The following ABAT variants were observed in gnomAD, a reference collection of about 807,000 sequenced individuals.
ABAT encodes the protein 4-aminobutyrate aminotransferase, mitochondrial.
In ABAT, 45 loss-of-function variants were observed where a neutral mutation model predicts 64.6. That is an observed-to-expected ratio of 0.70 (90% CI 0.55 to 0.89). The LOEUF is 0.89. ABAT is among the 40% of genes least tolerant of loss of function. The probability of loss-of-function intolerance (pLI) is 0.00; values close to 1 mark genes in which losing one functional copy is unlikely to be tolerated. For synonymous variants in ABAT, 297 were observed against 250.5 expected (o/e 1.19, Z -1.75); for missense variants, 633 against 658.4 (o/e 0.96, Z 0.42).
At chr16:8,678,299 C>A (rs954875360) in intron 1 of ABAT, among the ~76,000 whole-genome samples, 2 of 152,188 alleles carry the variant, frequency 1.3e-5, no homozygotes, top group Non-Finnish European at 2.9e-5. Context: ...CCCGCCTTGG[C>A]TTCCCAAAGC....
chr16:8,710,369 C>T (rs979443846), intron 1 of ABAT, among the ~76,000 whole-genome samples: 1 of 152,138 alleles, frequency 6.6e-6, no homozygotes, highest in Non-Finnish European at 1.5e-5. Flanking sequence ...GCAAGATAGA[C>T]TTTTGCATGC....
intron 1 of ABAT, chr16:8,713,714 C>T (rs12447079): frequency 0.053 from 18,773 of 351,182 alleles, 622 homozygotes; most frequent in South Asian, 0.099. Context: ...CCTGGAAATC[C>T]GGGACACCCT....
chr16:8,683,601 A>G (rs962614435), intron 1 of ABAT: 1 of 151,912 alleles, frequency 6.6e-6, no homozygotes, highest in Non-Finnish European at 1.5e-5. Context: ...AAATGCTGCT[A>G]TGATACTGAA....
At chr16:8,687,839 CT>C (rs2057491262) in intron 1 of ABAT, among the ~76,000 whole-genome samples, 2 of 152,126 alleles carry the variant, frequency 1.3e-5, no homozygotes, top group Non-Finnish European at 2.9e-5. Context: ...ACAAAACTAC[CT>C]TTTGAAACAT....
intron 1 of ABAT, among the ~76,000 whole-genome samples, chr16:8,733,742 G>A (rs1408321143): frequency 6.6e-6 from 1 of 151,376 alleles, no homozygotes; most frequent in Admixed American, 6.6e-5. Context: ...AATCAGGCAG[G>A]GAGGTTGCAG....
chr16:8,702,769 GA>G (rs1364387937), intron 1 of ABAT, among the ~76,000 whole-genome samples: 1 of 152,188 alleles, frequency 6.6e-6, no homozygotes, highest in African/African-American at 2.4e-5. Context: ...TCACCAGAGG[GA>G]GGACTGGTGT....
At chr16:8,718,996 G>A (rs116881377) in intron 1 of ABAT, among the ~76,000 whole-genome samples, 6 of 152,254 alleles carry the variant, frequency 3.9e-5, no homozygotes, top group East Asian at 1.9e-4. Flanking sequence ...TGATTTTTGC[G>A]TACTTAGCGG....
chr16:8,761,001 C>T (rs1260965658), intron 6 of ABAT, among the ~76,000 whole-genome samples: 1 of 152,090 alleles, frequency 6.6e-6, no homozygotes, highest in African/African-American at 2.4e-5. Flanking sequence ...ATCGCTTGAG[C>T]CCAGGAAGTC....
chr16:8,707,008 G>A (rs1213571262), intron 1 of ABAT, among the ~76,000 whole-genome samples: 1 of 152,080 alleles, frequency 6.6e-6, no homozygotes, highest in Admixed American at 6.6e-5. Context: ...GGGGTGGCAT[G>A]TCAGTACTCA....
intron 1 of ABAT, among the ~76,000 whole-genome samples, chr16:8,717,993 A>C (rs2058261042): frequency 1.3e-5 from 2 of 152,110 alleles, no homozygotes; most frequent in South Asian, 4.1e-4. Flanking sequence ...TTCTCTGTGC[A>C]AGGAAACAGA....
intron 11 of ABAT, among the ~76,000 whole-genome samples, chr16:8,770,475 G>C (rs1419831564): frequency 6.6e-6 from 1 of 151,824 alleles, no homozygotes; most frequent in African/African-American, 2.4e-5. Flanking sequence ...GTCTCACTCT[G>C]TCACCCAGGC....
chr16:8,680,210 G>A (rs1378211148), intron 1 of ABAT, among the ~76,000 whole-genome samples: 1 of 151,760 alleles, frequency 6.6e-6, no homozygotes, highest in Non-Finnish European at 1.5e-5. Context: ...GATTTCTTGG[G>A]TCCATCACTG....
rs962221893 is a variant in ABAT at position 8,722,771 on chromosome 16, G to A, written c.-41-12928G>A. ...TTCACCTGCTTCTTTCCCCAGATGC[G>A]CCCATCCAGGGTCTAGCGGATTGCA... is the stretch of plus-strand genomic sequence containing the variant. On this transcript the variant is annotated intron_variant, in intron 1 of 15. Coordinates refer to ENST00000268251, the MANE Select transcript of ABAT (RefSeq NM_020686.6). 2.1e-5 allele frequency: 27 copies of A among 1,275,910 alleles called. No homozygotes were observed. The African/African-American group carries it at 3.2e-4, about 15-fold the overall frequency. The allele number at this position is 1,275,910 out of a possible 1,614,324, so 79.0% of individuals were successfully genotyped here.
chr16:8,734,997 C>T (rs1162206569), intron 1 of ABAT, among the ~76,000 whole-genome samples: 1 of 150,570 alleles, frequency 6.6e-6, no homozygotes, highest in Non-Finnish European at 1.5e-5. Flanking sequence ...TACTTGAGGT[C>T]AGAAGTTCAA....
chr16:8,714,019 T>TACATGC, intron 1 of ABAT: 1 of 416,964 alleles, frequency 2.4e-6, no homozygotes, highest in Admixed American at 2.5e-5. Flanking sequence ...TGCATCTGTG[T>TACATGC]ACATGCGTGC....
intron 1 of ABAT, among the ~76,000 whole-genome samples, chr16:8,709,465 C>T (rs149003035): frequency 0.015 from 2,359 of 152,206 alleles, 58 homozygotes; most frequent in African/African-American, 0.053. Context: ...CCTCCGCCTC[C>T]TGGGTTCAAG....
In ABAT at chr16:8,764,865, AGGCTC is replaced by A. The variant is rs755726683; in HGVS notation, c.540+36_540+40del. ...GGGGCACACACACACACACACACAC[AGGCTC>A]CCCAGCACCCAGCCACACGCTCACC... On this transcript the variant is annotated intron_variant, in intron 8 of 15. Coordinates refer to ENST00000268251, the MANE Select transcript of ABAT (RefSeq NM_020686.6). The surrounding 1 kb of genome is among the most constrained non-coding windows in gnomAD (Gnocchi z 4.2). 1.5e-5 allele frequency: 23 copies of A among 1,523,288 alleles called. No homozygotes were observed. The highest frequency in any genetic ancestry group is 1.9e-5 in the Non-Finnish European group (21 of 1,099,150). 94.4% of individuals were successfully genotyped at this position (1,523,288 alleles called of 1,614,324 possible).
chr16:8,773,900 A>G, intron 12 of ABAT, among the ~76,000 whole-genome samples: 1 of 152,094 alleles, frequency 6.6e-6, no homozygotes, highest in East Asian at 1.9e-4. Context: ...TTATGGCTGA[A>G]TAGTATTTCT....
rs186950816 is a variant in ABAT at position 8,703,075 on chromosome 16, T to C, written c.-42+28364T>C. 4.5e-4 allele frequency among the ~76,000 whole-genome samples: 68 copies of C among 152,146 alleles called. 1 individual carries two copies. The highest frequency in any genetic ancestry group is 1.9e-3 in the South Asian group (9 of 4,802). ...CCTCTCTACTGTCAATGTATTGTTTTTACGGGTACCTTGTATTTATATGAA... is the reference window on the plus strand; with the variant it reads ...CCTCTCTACTGTCAATGTATTGTTTCTACGGGTACCTTGTATTTATATGAA... On this transcript the variant is annotated intron_variant, in intron 1 of 15. Coordinates refer to ENST00000268251, the MANE Select transcript of ABAT (RefSeq NM_020686.6).
Sources: gnomAD v4.1 joint callset for allele counts (sites outside exome capture counted in the v4.1 genomes callset) on GRCh38, gnomAD v4.1.1 for gene constraint, Gnocchi (gnomAD v3.1) non-coding constraint, MANE v1.5 for transcripts, NCBI Gene and HGNC (gene_info 2026-07-23, HGNC 2026-07-21) for gene names.